The following PAQR3 variants were observed in gnomAD, a reference collection of about 807,000 sequenced individuals.
The protein encoded by PAQR3 is progestin and adipoQ receptor family member 3.
In PAQR3, 39 loss-of-function variants were observed where a neutral mutation model predicts 41.7. That is an observed-to-expected ratio of 0.93 (90% CI 0.72 to 1.22). PAQR3 has a LOEUF of 1.22. Ranked by LOEUF, PAQR3 falls within the 50% of genes most tolerant of loss-of-function variation. The pLI, the probability that PAQR3 is intolerant of heterozygous loss-of-function variation, is 0.00. For synonymous variants in PAQR3, 140 were observed against 140.6 expected, an observed-to-expected ratio of 1.00 and a Z score of 0.03; for missense variants, 366 against 385.6, an observed-to-expected ratio of 0.95 and a Z score of 0.42.
At chr4:78,897,516 C>T (rs1195243214) in intron 11 of PAQR3, among the ~76,000 whole-genome samples, 1 of 152,080 alleles carries the variant, frequency 6.6e-6, no homozygotes, top group African/African-American at 2.4e-5. Context: ...ACAATCTCAT[C>T]ATTATATTAG....
intron 5 of PAQR3, chr4:78,921,717 A>G: frequency 1.0e-6 from 1 of 985,018 alleles, no homozygotes; most frequent in South Asian, 4.7e-5. Flanking sequence ...GAAAGCTTTT[A>G]GTTTAAAATT....
rs1321055623 is a variant in PAQR3, at chr4:78,939,214, T to G, written c.11A>C (p.Lys4Thr). MHQ[K>T]LLKSAHYIEL... ...GATGTAATGCGCGCTCTTCAGCAGC[T>G]TCTGATGCATCGTTCCCGGCCGCCG... The change falls in exon 1 of 6, where the codon AAG becomes ACG. Residue 4 changes from lysine to threonine, a missense_variant. By Grantham distance (78) the Lys-to-Thr change is moderately conservative. Coordinates refer to ENST00000512733, the MANE Select transcript of PAQR3 (RefSeq NM_001040202.2). 2 of 1,588,156 alleles carry G rather than the reference T, an allele frequency of 1.3e-6. No individual in the cohort carries two copies. The highest frequency in any genetic ancestry group is 1.7e-6 in the Non-Finnish European group (2 of 1,169,128).
At chr4:78,896,277 A>G (rs749061281) in intron 11 of PAQR3, among the ~76,000 whole-genome samples, 4 of 152,198 alleles carry the variant, frequency 2.6e-5, no homozygotes, top group Admixed American at 6.5e-5. Flanking sequence ...ACAAATGCCT[A>G]TACTATGATA....
downstream of PAQR3, chr4:78,911,303 C>T (rs753777587): frequency 4.6e-5 from 74 of 1,613,810 alleles, no homozygotes; most frequent in Non-Finnish European, 6.2e-5. Context: ...GGGCCTGAGG[C>T]ACATACTATC....
chr4:78,939,258 G>A lies in PAQR3; in HGVS notation c.-34C>T, dbSNP rs1259750276. The A allele has an allele frequency of 7.7e-6, 12 of 1,566,282 alleles. No homozygotes were observed. Among genetic ancestry groups the A allele is most frequent in the Non-Finnish European group, 1.0e-5 (12 of 1,159,604 alleles). Reference sequence around the variant, plus strand: ...GCCGCCGCCGCTCCCCGGCTCGGGAGCTCCCCCAGGTCCCGCCTCCCCGGG... The same window carrying A: ...GCCGCCGCCGCTCCCCGGCTCGGGAACTCCCCCAGGTCCCGCCTCCCCGGG... On this transcript the variant is annotated 5_prime_UTR_variant, in exon 1 of 6. Coordinates refer to ENST00000512733, the MANE Select transcript of PAQR3 (RefSeq NM_001040202.2).
chr4:78,931,162 C>T (rs796272093), intron 2 of PAQR3, among the ~76,000 whole-genome samples: 38 of 111,744 alleles, frequency 3.4e-4, no homozygotes, highest in African/African-American at 1.2e-3. Flanking sequence ...CCAGCCTGGG[C>T]AACATAGGGA....
In PAQR3 at chr4:78,923,961, CAT is replaced by C; in HGVS notation, c.703-16_703-15del. On this transcript the variant is annotated splice_polypyrimidine_tract_variant and intron_variant, in intron 4 of 5. Coordinates refer to ENST00000512733, the MANE Select transcript of PAQR3 (RefSeq NM_001040202.2). ...GGGTGCAAAGTCCTGAAAAGCAGAA[CAT>C]GTTTTTTTACAGATCTTCCTACTGT... 6.3e-7 allele frequency: 1 copy of C among 1,589,030 alleles called. No homozygotes were observed. The highest frequency in any genetic ancestry group is 1.3e-5 in the African/African-American group (1 of 74,444).
At chr4:78,894,542 G>A (rs1733603070) in intron 11 of PAQR3, among the ~76,000 whole-genome samples, 1 of 152,216 alleles carries the variant, frequency 6.6e-6, no homozygotes, top group Non-Finnish European at 1.5e-5. Flanking sequence ...ATTGAAGAGA[G>A]TTAGAGCCTT....
intron 11 of PAQR3, among the ~76,000 whole-genome samples, chr4:78,902,072 GTTTAT>G: frequency 6.6e-6 from 1 of 152,232 alleles, no homozygotes; most frequent in South Asian, 2.1e-4. Context: ...GAGGTGTATT[GTTTAT>G]TTTAGATTCT....
At position 78,901,632 on chromosome 4, in the gene PAQR3, C is replaced by T. The variant is rs76687675; in HGVS notation, c.*836+4476G>A. On this transcript the variant is annotated intron_variant and NMD_transcript_variant, in intron 11 of 12. Transcript: ENST00000342820. The stretch of plus-strand genomic sequence containing the variant: ...GGTATTCATTCCCTTTCCTGAAACC[C>T]ACATTCCCTTTCTTCTCCCCAGGGC... 7.4e-3 allele frequency among the ~76,000 whole-genome samples: 1,121 copies of T among 152,188 alleles called. 5 individuals carry two copies. Among genetic ancestry groups the T allele is most frequent in the African/African-American group, 0.018 (731 of 41,540 alleles).
chr4:78,918,369 A>C lies in PAQR3; in HGVS notation c.*2170T>G. The C allele has an allele frequency of 1.0e-6, 1 of 979,082 alleles. No homozygotes were observed. Among genetic ancestry groups the C allele is most frequent in the Non-Finnish European group, 1.2e-6 (1 of 823,812 alleles). 60.6% of individuals were successfully genotyped at this position (979,082 alleles called of 1,614,324 possible). A position where few individuals can be genotyped will look rare whatever the true frequency, so the allele number is the denominator to read the frequency against. ...AAATTTTACCAGTAGTGCTGTGCACACAGTAGGTGGTCATTAAATGCTGAC... is the reference window on the plus strand; with the variant it reads ...AAATTTTACCAGTAGTGCTGTGCACCCAGTAGGTGGTCATTAAATGCTGAC... On this transcript the variant is annotated 3_prime_UTR_variant, in exon 6 of 6. Transcript: ENST00000512733.
chr4:78,927,261 A>T (rs2110149663), intron 3 of PAQR3, among the ~76,000 whole-genome samples: 1 of 152,338 alleles, frequency 6.6e-6, no homozygotes, highest in South Asian at 2.1e-4. Context: ...GTTTTGAGAA[A>T]AAAGGCTAAA....
intron 4 of PAQR3, among the ~76,000 whole-genome samples, chr4:78,926,133 A>C (rs1044478516): frequency 1.3e-5 from 2 of 151,494 alleles, no homozygotes; most frequent in Admixed American, 1.3e-4. Context: ...ACCTCCCTTC[A>C]CCCCCTAAAA....
rs375188192 is a variant in PAQR3, at chr4:78,915,349, GT to G, written c.*5189del. ...AGCTACTCTGCTTGGTTTATTTTAG[GT>G]TTTGGTACTTCACGTAAGCACTGTT... On this transcript the variant is annotated 3_prime_UTR_variant, in exon 6 of 6. Coordinates refer to ENST00000512733, the MANE Select transcript of PAQR3 (RefSeq NM_001040202.2). The G allele has an allele frequency of 1.2e-4, 18 of 152,030 alleles. No homozygotes were observed. Among genetic ancestry groups the G allele is most frequent in the African/African-American group, 4.3e-4 (18 of 41,532 alleles). The allele number at this position is 152,030 out of a possible 1,614,324, so 9.4% of individuals were successfully genotyped here. A position where few individuals can be genotyped will look rare whatever the true frequency, so the allele number is the denominator to read the frequency against.
At chr4:78,936,469 A>G (rs1737437096) in intron 1 of PAQR3, among the ~76,000 whole-genome samples, 1 of 152,186 alleles carries the variant, frequency 6.6e-6, no homozygotes, top group Non-Finnish European at 1.5e-5. Flanking sequence ...GAAAGTGAGA[A>G]CCATAGTGAC....
At position 78,913,618 on chromosome 4, in the gene PAQR3, A is replaced by G. The variant is rs1341082091; in HGVS notation, c.*6921T>C. 6.6e-6 allele frequency: 1 copy of G among 152,144 alleles called. No homozygotes were observed. Among genetic ancestry groups the G allele is most frequent in the African/African-American group, 2.4e-5 (1 of 41,448 alleles). The allele number at this position is 152,144 out of a possible 1,614,324, so 9.4% of individuals were successfully genotyped here. A position where few individuals can be genotyped will look rare whatever the true frequency, so the allele number is the denominator to read the frequency against. ...CGATCTCAAAGTATATTTTACGAGT[A>G]ATTTTATTAGGAATCTCTTATAGTG... On this transcript the variant is annotated 3_prime_UTR_variant, in exon 6 of 6. Coordinates refer to ENST00000512733, the MANE Select transcript of PAQR3 (RefSeq NM_001040202.2).
Position 78,917,797 on chromosome 4 carries a change from A to T in PAQR3, c.*2742T>A. 1 of 984,678 alleles carries T rather than the reference A, an allele frequency of 1.0e-6. No individual in the cohort carries two copies. The highest frequency in any genetic ancestry group is 5.2e-4 in the Middle Eastern group (1 of 1,912). 61.0% of individuals were successfully genotyped at this position (984,678 alleles called of 1,614,324 possible). A position where few individuals can be genotyped will look rare whatever the true frequency, so the allele number is the denominator to read the frequency against. On this transcript the variant is annotated 3_prime_UTR_variant, in exon 6 of 6. Coordinates refer to ENST00000512733, the MANE Select transcript of PAQR3 (RefSeq NM_001040202.2). ...AGAGTTGTACAGTTTTACGGAAGTCAATCACAATCTTCAAATCGGATATTC... is the reference window on the plus strand; with the variant it reads ...AGAGTTGTACAGTTTTACGGAAGTCTATCACAATCTTCAAATCGGATATTC...
chr4:78,926,633 T>C lies in PAQR3; in HGVS notation c.590A>G (p.Gln197Arg). The C allele has an allele frequency of 6.2e-7, 1 of 1,613,992 alleles. No homozygotes were observed. The highest frequency in any genetic ancestry group is 8.5e-7 in the Non-Finnish European group (1 of 1,179,882). Residue 197 changes from glutamine (Q) to arginine (R), a missense_variant, in exon 4 of 6, where the codon CAG (glutamine) becomes CGG (arginine). Physicochemically the swap from Gln to Arg is conservative, Grantham distance 43 (BLOSUM62 1). Transcript: ENST00000512733. ...GATAGAACGGAGCCTTTGCCATTGC[T>C]GCGTGAGGTAATTGGGATGAATCTG... ...FAQIHPNYLT[Q>R]QWQRLRSIIF...
rs1279608957 is a variant in PAQR3 at position 78,917,719 on chromosome 4, C to T, written c.*2820G>A. The T allele has an allele frequency of 1.3e-6, 1 of 788,324 alleles. No individual in the cohort carries two copies. Among genetic ancestry groups the T allele is most frequent in the East Asian group, 1.3e-4 (1 of 7,820 alleles). The allele number at this position is 788,324 out of a possible 1,614,324, so 48.8% of individuals were successfully genotyped here. On this transcript the variant is annotated 3_prime_UTR_variant, in exon 6 of 6. Coordinates refer to ENST00000512733, the MANE Select transcript of PAQR3 (RefSeq NM_001040202.2). ...GGAATTCACAGGAATAGGCTTTGCC[C>T]CTTGACATTTAATACAGGGCAAAGT...
Sources: gnomAD v4.1 joint callset for allele counts (sites outside exome capture counted in the v4.1 genomes callset) on GRCh38, gnomAD v4.1.1 for gene constraint, MANE v1.5 for transcripts, NCBI Gene and HGNC (gene_info 2026-07-23, HGNC 2026-07-21) for gene names.